Variants in USP32 observed in about 807,000 individuals in gnomAD.
USP32 encodes ubiquitin specific peptidase 32, also known as ubiquitin carboxyl-terminal hydrolase 32.
Under a neutral mutation model 204.8 loss-of-function variants are expected in USP32, and 59 were observed. That is an observed-to-expected ratio of 0.29 (90% CI 0.23 to 0.36). The LOEUF is 0.36. USP32 is among the 10% of genes least tolerant of loss of function. The probability of loss-of-function intolerance (pLI) is 1.00; values close to 1 mark genes in which losing one functional copy is unlikely to be tolerated. For missense variants in USP32, 1,160 were observed against 1,946.4 expected (o/e 0.60, Z 7.60); for synonymous variants, 517 against 678.4 (o/e 0.76, Z 3.70).
chr17:60,191,262 C>T (rs2084371668), intron 28 of USP32, among the ~76,000 whole-genome samples: 1 of 151,620 alleles, frequency 6.6e-6, no homozygotes, highest in South Asian at 2.1e-4. Context: ...ATTAGCCAGG[C>T]ATGGTGGCAG....
At chr17:60,351,896 G>C (rs535524929) in intron 1 of USP32, among the ~76,000 whole-genome samples, 1 of 152,008 alleles carries the variant, frequency 6.6e-6, no homozygotes, top group African/African-American at 2.4e-5. Context: ...CCAAAATAGG[G>C]AATAATTAGG....
Position 60,265,462 on chromosome 17 carries a change from C to T in USP32, c.940G>A (p.Asp314Asn). The part of the protein sequence containing the change: ...RTDDIPELHM[D>N]LSDIVEGILN... ...ATGCCTTCTACAATATCAGAGAGAT[C>T]CATATGTAATTCCTTTAAAAATAAC... The change falls in exon 9 of 34, where the codon GAT (aspartate) becomes AAT (asparagine). Residue 314 changes from aspartate (D) to asparagine (N), a missense_variant. Coordinates refer to ENST00000300896, the MANE Select transcript of USP32 (RefSeq NM_032582.4). 1 of 1,601,394 alleles carries T rather than the reference C, an allele frequency of 6.2e-7. No homozygotes were observed. The highest frequency in any genetic ancestry group is 1.3e-5 in the African/African-American group (1 of 74,660).
intron 1 of USP32, among the ~76,000 whole-genome samples, chr17:60,390,630 G>A (rs1265339671): frequency 6.6e-6 from 1 of 152,136 alleles, no homozygotes; most frequent in African/African-American, 2.4e-5. Flanking sequence ...TTACTGTCAG[G>A]TGATGGTCAA....
chr17:60,411,903 T>C lies in USP32; in HGVS notation c.106+10343A>G, dbSNP rs151016809. Among the ~76,000 whole-genome samples the C allele has an allele frequency of 3.7e-4, 57 of 152,312 alleles. No homozygotes were observed. The East Asian group carries it at 0.01, about 27-fold the overall frequency. ...TTCATCTATTGATGGACACTTGGGT[T>C]GTTTCCACTTTTTGGCTATTGTGAA... On this transcript the variant is annotated intron_variant, in intron 1 of 3. Coordinates refer to the USP32 transcript ENST00000588898.
chr17:60,218,657 G>A (rs1019995611), intron 16 of USP32, among the ~76,000 whole-genome samples: 7 of 152,032 alleles, frequency 4.6e-5, no homozygotes, highest in African/African-American at 1.7e-4. Flanking sequence ...AGGCTGGAGT[G>A]CAACGGTGTG....
At chr17:60,373,293 TGA>T (rs1317729141) in intron 1 of USP32, among the ~76,000 whole-genome samples, 1 of 152,084 alleles carries the variant, frequency 6.6e-6, no homozygotes, top group East Asian at 1.9e-4. Context: ...GGTGAGTCAG[TGA>T]GAGACTTAGG....
At position 60,209,388 on chromosome 17, in the gene USP32, G is replaced by A; in HGVS notation, c.2580C>T (p.Asp860=). Residue 860 remains aspartate (D), a synonymous_variant, in exon 22 of 34, where the codon GAC becomes GAT. Transcript: ENST00000300896. ...GACAAACCTCTGCAGCTACTTCCCA[G>A]TCTGGTCGCCCATCACTGTCCTTCA... ...VELKDSDGRP[D]WEVAAEAWDN... 6.7e-7 allele frequency: 1 copy of A among 1,494,612 alleles called. No individual in the cohort carries two copies. The highest frequency in any genetic ancestry group is 8.9e-7 in the Non-Finnish European group (1 of 1,117,598). 92.6% of individuals were successfully genotyped at this position (1,494,612 alleles called of 1,614,324 possible). A position where few individuals can be genotyped will look rare whatever the true frequency, so the allele number is the denominator to read the frequency against.
chr17:60,313,101 AT>A (rs2145922017), intron 2 of USP32, among the ~76,000 whole-genome samples: 1 of 152,204 alleles, frequency 6.6e-6, no homozygotes, highest in Admixed American at 6.5e-5. Flanking sequence ...AAATACAAAA[AT>A]TAGCCAGTCA....
At chr17:60,356,686 A>G (rs2089086380) in intron 1 of USP32, among the ~76,000 whole-genome samples, 1 of 152,204 alleles carries the variant, frequency 6.6e-6, no homozygotes, top group African/African-American at 2.4e-5. Context: ...AACAAACCTT[A>G]AGGTAGGGAA....
chr17:60,212,177 C>T (rs2084986766), intron 18 of USP32, 79 bp from the exon 19 acceptor site: 10 of 1,152,350 alleles, frequency 8.7e-6, no homozygotes, highest in Non-Finnish European at 1.3e-5. Context: ...TTTTTAAAGA[C>T]ATCTTATTCC....
intron 18 of USP32, among the ~76,000 whole-genome samples, chr17:60,212,959 T>G (rs146398372): frequency 0.024 from 3,651 of 152,016 alleles, 54 homozygotes; most frequent in Non-Finnish European, 0.037. Context: ...CACCATGTTG[T>G]CCAGGCTGGT....
intron 11 of USP32, among the ~76,000 whole-genome samples, chr17:60,240,404 G>A (rs1010662282): frequency 6.6e-6 from 1 of 151,986 alleles, no homozygotes; most frequent in Non-Finnish European, 1.5e-5. Context: ...CTAGTATTTT[G>A]ACAGTGATTT....
intron 1 of USP32, among the ~76,000 whole-genome samples, chr17:60,418,369 A>C (rs2090078442): frequency 6.7e-6 from 1 of 149,664 alleles, no homozygotes; most frequent in Admixed American, 6.7e-5. Context: ...CTGGGATTAC[A>C]GGTGTGAGCC....
rs556218473 is a variant in USP32, at chr17:60,200,770, T to C, written c.3250-2326A>G. 4.6e-3 allele frequency among the ~76,000 whole-genome samples: 706 copies of C among 152,350 alleles called. 8 individuals carry two copies. Among genetic ancestry groups the C allele is most frequent in the African/African-American group, 0.016 (652 of 41,590 alleles). ...TGCTTTTCTTTACAGTTTTATATCC[T>C]ATGCACAAGTAAATAAACACTAGAT... On this transcript the variant is annotated intron_variant, in intron 26 of 33. Transcript: ENST00000300896.
Position 60,209,407 on chromosome 17 carries a change from T to C in USP32, c.2561A>G (p.Asp854Gly). The C allele has an allele frequency of 6.5e-7, 1 of 1,545,650 alleles. No homozygotes were observed. The highest frequency in any genetic ancestry group is 8.7e-7 in the Non-Finnish European group (1 of 1,146,002). The change falls in exon 22 of 34, where the codon GAC becomes GGC. Residue 854 changes from aspartate (D) to glycine (G), a missense_variant. Around this residue, in one of 8 missense-constraint regions of USP32, gnomAD observed 132 missense variants for 432.8 expected, o/e 0.30. Coordinates refer to ENST00000300896, the MANE Select transcript of USP32 (RefSeq NM_032582.4). Reference sequence around the variant, plus strand: ...TTCCCAGTCTGGTCGCCCATCACTGTCCTTCAGTTCCACATATGGCTTTTC... The same window carrying C: ...TTCCCAGTCTGGTCGCCCATCACTGCCCTTCAGTTCCACATATGGCTTTTC... ...VHEKPYVELK[D>G]SDGRPDWEVA...
chr17:60,330,546 T>C (rs2145965144), intron 2 of USP32, among the ~76,000 whole-genome samples: 1 of 150,606 alleles, frequency 6.6e-6, no homozygotes, highest in Admixed American at 6.6e-5. Context: ...TCTCTTTCTC[T>C]CTCTCTCTCT....
chr17:60,183,491 G>C, intron 30 of USP32, 38 bp from the exon 31 acceptor site: 2 of 1,525,850 alleles, frequency 1.3e-6, no homozygotes, highest in Non-Finnish European at 1.8e-6. Context: ...GCATTAAAGG[G>C]TTCTGAAGAT....
intron 9 of USP32, among the ~76,000 whole-genome samples, 200 bp downstream of exon 9, chr17:60,265,212 T>C (rs745375442): frequency 6.6e-6 from 1 of 152,184 alleles, no homozygotes; most frequent in Non-Finnish European, 1.5e-5. Flanking sequence ...ATAATAAATG[T>C]TTTCACATAC....
chr17:60,205,284 G>A (rs2084794349), intron 26 of USP32, among the ~76,000 whole-genome samples, 163 bp downstream of exon 26: 1 of 151,744 alleles, frequency 6.6e-6, no homozygotes, highest in East Asian at 1.9e-4. Flanking sequence ...TTGAGGACAG[G>A]ATAAAAAAGT....
Sources: gnomAD v4.1 joint callset for allele counts (sites outside exome capture counted in the v4.1 genomes callset) on GRCh38, gnomAD v4.1.1 for gene constraint, gnomAD v4.1.1 regional missense constraint, MANE v1.5 for transcripts, NCBI Gene and HGNC (gene_info 2026-07-23, HGNC 2026-07-21) for gene names.